KMT5B: variants seen among roughly 807,000 people sequenced by gnomAD.
KMT5B encodes lysine methyltransferase 5B.
KMT5B carries 10 observed loss-of-function variants against 83.2 expected under a neutral mutation model. That is an observed-to-expected ratio of 0.12 (90% confidence interval 0.07 to 0.20). The LOEUF is 0.20. Ranked by LOEUF, KMT5B falls within the 10% of genes least tolerant of loss-of-function variation. The probability of loss-of-function intolerance (pLI) is 1.00; values close to 1 mark genes in which losing one functional copy is unlikely to be tolerated. For missense variants in KMT5B, 753 were observed against 1,067.2 expected (o/e 0.71, Z 4.10); for synonymous variants, 349 against 388.8 (o/e 0.90, Z 1.20).
At chr11:68,194,213 C>T (rs1858441550) in intron 1 of KMT5B, among the ~76,000 whole-genome samples, 1 of 137,110 alleles carries the variant, frequency 7.3e-6, no homozygotes, top group African/African-American at 2.7e-5. Context: ...TTTTTTGAGA[C>T]AGAGTATCGC....
rs1262273486 is a variant in KMT5B at position 68,156,761 on chromosome 11, A to G, written c.*927T>C. 1.3e-5 allele frequency: 2 copies of G among 152,660 alleles called. No individual in the cohort carries two copies. The highest frequency in any genetic ancestry group is 1.9e-4 in the East Asian group (1 of 5,198). 9.5% of individuals were successfully genotyped at this position (152,660 alleles called of 1,614,324 possible). On this transcript the variant is annotated 3_prime_UTR_variant, in exon 11 of 11. Transcript: ENST00000304363. ...GCTGTGACTCATGTTTTTATTTCAT[A>G]AACTATTATAAGTTAAAGTGAATAG... is the stretch of plus-strand genomic sequence containing the variant.
rs900122691 is a variant in KMT5B at position 68,156,326 on chromosome 11, A to T, written c.*1362T>A. On this transcript the variant is annotated 3_prime_UTR_variant, in exon 11 of 11. Coordinates refer to ENST00000304363, the MANE Select transcript of KMT5B (RefSeq NM_017635.5). ...TCCAATGATTTGCAAAATAATCCAG[A>T]GAAATGAAAAGAACCTGGTATTGAA... is the stretch of plus-strand genomic sequence containing the variant. The T allele has an allele frequency of 1.3e-5, 2 of 152,682 alleles. No homozygotes were observed. The highest frequency in any genetic ancestry group is 4.8e-5 in the African/African-American group (2 of 41,468). The allele number at this position is 152,682 out of a possible 1,614,324, so 9.5% of individuals were successfully genotyped here. A position where few individuals can be genotyped will look rare whatever the true frequency, so the allele number is the denominator to read the frequency against.
chr11:68,165,830 T>C, intron 10 of KMT5B: 1 of 1,610,922 alleles, frequency 6.2e-7, no homozygotes, highest in South Asian at 1.1e-5. Context: ...GCTACAGCGC[T>C]GCTTTTATGC....
chr11:68,189,094 A>T (rs1336502918), intron 2 of KMT5B, among the ~76,000 whole-genome samples: 1 of 152,250 alleles, frequency 6.6e-6, no homozygotes, highest in African/African-American at 2.4e-5. Flanking sequence ...ATCTGAAACT[A>T]CAGAAAATCC....
At chr11:68,196,286 A>AGT (rs769553031) in intron 1 of KMT5B, among the ~76,000 whole-genome samples, 8 of 152,114 alleles carry the variant, frequency 5.3e-5, no homozygotes, top group Non-Finnish European at 1.2e-4. Context: ...GTCCCAGTTC[A>AGT]GTGTTCACAT....
chr11:68,210,544 G>A (rs1860767846), intron 1 of KMT5B, among the ~76,000 whole-genome samples: 2 of 151,678 alleles, frequency 1.3e-5, no homozygotes, highest in Admixed American at 1.3e-4. Flanking sequence ...AGCAGAGAAT[G>A]GAATAAGAAT....
At chr11:68,173,604 T>G (rs1856054525) in intron 6 of KMT5B, among the ~76,000 whole-genome samples, 200 bp downstream of exon 6, 1 of 152,148 alleles carries the variant, frequency 6.6e-6, no homozygotes, top group African/African-American at 2.4e-5. Flanking sequence ...CAATTTGGCC[T>G]AGAGATGGGA....
chr11:68,186,052 A>T, intron 2 of KMT5B, 124 bp from the exon 3 acceptor site: 1 of 835,098 alleles, frequency 1.2e-6, no homozygotes. Context: ...TCATTTTAGT[A>T]ATTAAGAATT....
chr11:68,197,073 C>T (rs572295471), intron 1 of KMT5B, among the ~76,000 whole-genome samples: 16 of 151,948 alleles, frequency 1.1e-4, no homozygotes, highest in African/African-American at 4.8e-5. Flanking sequence ...TGGGTTCAAG[C>T]GATTCTCCTG....
chr11:68,190,267 G>A (rs779102478), intron 1 of KMT5B, 115 bp from the exon 2 acceptor site: 22 of 568,712 alleles, frequency 3.9e-5, no homozygotes, highest in Non-Finnish European at 6.8e-5. Flanking sequence ...GTCATTCACA[G>A]TATAATGATG....
At chr11:68,208,879 G>C (rs1860511628) in intron 1 of KMT5B, among the ~76,000 whole-genome samples, 1 of 151,960 alleles carries the variant, frequency 6.6e-6, no homozygotes, top group Non-Finnish European at 1.5e-5. Context: ...TACCTTTTTT[G>C]GGTCAAAAGC....
intron 1 of KMT5B, among the ~76,000 whole-genome samples, chr11:68,210,981 T>C (rs755612836): frequency 1.3e-5 from 2 of 152,194 alleles, no homozygotes; most frequent in Non-Finnish European, 2.9e-5. Flanking sequence ...CTGTAAGCCA[T>C]GGGAAGGGCA....
chr11:68,189,303 CA>C (rs1360449815), intron 2 of KMT5B, among the ~76,000 whole-genome samples: 2 of 152,174 alleles, frequency 1.3e-5, no homozygotes, highest in African/African-American at 4.8e-5. Context: ...AAATACGCAC[CA>C]AATCTACAAC....
Position 68,156,428 on chromosome 11 carries a change from ATC to A in KMT5B, c.*1258_*1259del, listed in dbSNP as rs1859299439. On this transcript the variant is annotated 3_prime_UTR_variant, in exon 11 of 11. Transcript: ENST00000304363. ...CAAAGTGCTTCAAAAAACAAATTAAATCTGACTCCTTTTTGTTTAACTGATAA... is the reference window on the plus strand; with the variant it reads ...CAAAGTGCTTCAAAAAACAAATTAAATGACTCCTTTTTGTTTAACTGATAA... 1 of 152,646 alleles carries A rather than the reference ATC, an allele frequency of 6.6e-6. No individual in the cohort carries two copies. The highest frequency in any genetic ancestry group is 1.9e-4 in the East Asian group (1 of 5,200). The allele number at this position is 152,646 out of a possible 1,614,324, so 9.5% of individuals were successfully genotyped here. A position where few individuals can be genotyped will look rare whatever the true frequency, so the allele number is the denominator to read the frequency against.
chr11:68,158,408 C>T lies in KMT5B; in HGVS notation c.1938G>A (p.Met646Ile), dbSNP rs1432636038. 8 of 1,613,966 alleles carry T rather than the reference C, an allele frequency of 5.0e-6. No homozygotes were observed. The highest frequency in any genetic ancestry group is 6.8e-6 in the Non-Finnish European group (8 of 1,179,984). The stretch of plus-strand genomic sequence containing the variant: ...GCTCACCCTGGTCAGAATGGGGACC[C>T]ATCAAATCTGGTACCGCGTCGTCTT... ...PGKDDAVPDL[M>I]GPHSDQGEHS... Residue 646 changes from methionine to isoleucine, a missense_variant, in exon 11 of 11, where the codon ATG becomes ATA. Around this residue, in one of 9 missense-constraint regions of KMT5B, gnomAD observed 397 missense variants for 395.9 expected, o/e 1.00. Transcript: ENST00000304363.
chr11:68,164,277 A>G (rs1454630186), intron 10 of KMT5B, among the ~76,000 whole-genome samples: 1 of 152,220 alleles, frequency 6.6e-6, no homozygotes, highest in Non-Finnish European at 1.5e-5. Flanking sequence ...CATGTGTTCA[A>G]AGAAAGCAGT....
At chr11:68,207,283 C>T (rs1481687099) in intron 1 of KMT5B, among the ~76,000 whole-genome samples, 2 of 151,842 alleles carry the variant, frequency 1.3e-5, no homozygotes, top group African/African-American at 4.8e-5. Flanking sequence ...ACAGACTGGA[C>T]TACAGAGCTT....
intron 10 of KMT5B, chr11:68,165,767 T>C: frequency 1.5e-5 from 23 of 1,497,084 alleles, no homozygotes; most frequent in African/African-American, 2.8e-5. Context: ...CAGTTAATGA[T>C]TGACTAACTC....
intron 1 of KMT5B, among the ~76,000 whole-genome samples, chr11:68,201,945 C>T (rs547701321): frequency 2.7e-5 from 4 of 148,308 alleles, no homozygotes; most frequent in South Asian, 2.1e-4. Context: ...AAAAATTAGT[C>T]GGGTGTGGTG....
Sources: gnomAD v4.1 joint callset for allele counts (sites outside exome capture counted in the v4.1 genomes callset) on GRCh38, gnomAD v4.1.1 for gene constraint, gnomAD v4.1.1 regional missense constraint, MANE v1.5 for transcripts, NCBI Gene and HGNC (gene_info 2026-07-23, HGNC 2026-07-21) for gene names.